Variants in ESCO1 observed in about 807,000 individuals in gnomAD.
ESCO1 encodes establishment of sister chromatid cohesion N-acetyltransferase 1.
A neutral mutation model predicts 83.5 loss-of-function variants in ESCO1; 33 were observed. The observed-to-expected ratio is 0.40, with a 90% CI of 0.30 to 0.53. The LOEUF is 0.53. ESCO1 is among the 20% of genes least tolerant of loss of function. The pLI, the probability that ESCO1 is intolerant of heterozygous loss-of-function variation, is 0.63. For synonymous variants in ESCO1, 332 were observed against 324.3 expected (o/e 1.02, Z -0.25); for missense variants, 855 against 968.0 (o/e 0.88, Z 1.55).
chr18:21,547,799 T>A (rs1342406743), intron 8 of ESCO1, among the ~76,000 whole-genome samples: 15 of 151,970 alleles, frequency 9.9e-5, no homozygotes, highest in Non-Finnish European at 2.2e-4. Flanking sequence ...AAAAGAAAAA[T>A]ATTCATAGAA....
intron 6 of ESCO1, among the ~76,000 whole-genome samples, chr18:21,564,534 G>A (rs990980285): frequency 2.0e-5 from 3 of 147,624 alleles, no homozygotes; most frequent in Non-Finnish European, 3.0e-5. Flanking sequence ...GGGACTACAG[G>A]TGCCAGCCAC....
At position 21,530,318 on chromosome 18, in the gene ESCO1, C is replaced by T. The variant is rs377708638; in HGVS notation, c.*25G>A. On this transcript the variant is annotated 3_prime_UTR_variant, in exon 12 of 12. Coordinates refer to ENST00000269214, the MANE Select transcript of ESCO1 (RefSeq NM_052911.3). ...ATCCATTCTCTTCAATAGATGTCTT[C>T]TAGTGGTGTAGGCAAGAATTTGTTT... 2.5e-5 allele frequency: 38 copies of T among 1,548,106 alleles called. No homozygotes were observed. The African/African-American group carries it at 4.2e-4, about 17-fold the overall frequency.
chr18:21,567,456 C>G (rs1022214310), intron 5 of ESCO1, among the ~76,000 whole-genome samples: 1 of 151,642 alleles, frequency 6.6e-6, no homozygotes, highest in South Asian at 2.1e-4. Flanking sequence ...TGAGCCACCA[C>G]GACCGGCCCA....
At chr18:21,540,336 T>C (rs1042443657) in intron 8 of ESCO1, among the ~76,000 whole-genome samples, 9 of 152,280 alleles carry the variant, frequency 5.9e-5, no homozygotes, top group Non-Finnish European at 1.3e-4. Flanking sequence ...AAGTCAGTAA[T>C]TCCCAGAAAC....
chr18:21,540,140 G>T, intron 8 of ESCO1, 131 bp from the exon 9 acceptor site: 1 of 760,714 alleles, frequency 1.3e-6, no homozygotes, highest in Non-Finnish European at 2.1e-6. Flanking sequence ...AAAAATATAT[G>T]CTCATTAATG....
At chr18:21,590,774 C>T (rs948583464) in intron 1 of ESCO1, among the ~76,000 whole-genome samples, 3 of 151,512 alleles carry the variant, frequency 2.0e-5, no homozygotes, top group Admixed American at 6.6e-5. Context: ...GTGAAGAAAC[C>T]ATCTCTACTA....
chr18:21,565,472 G>A (rs1011891103), intron 6 of ESCO1, among the ~76,000 whole-genome samples: 1 of 152,198 alleles, frequency 6.6e-6, no homozygotes, highest in African/African-American at 2.4e-5. Context: ...TGCGGGATAA[G>A]TTCTATAGCT....
In ESCO1 at chr18:21,584,636, C is replaced by G. The variant is rs2146223962; in HGVS notation, c.-824-196G>C. Among the ~76,000 whole-genome samples, 5 of 152,080 alleles carry G rather than the reference C, an allele frequency of 3.3e-5. No homozygotes were observed. In the South Asian group the frequency reaches 1.0e-3, roughly 32 times the overall value. On this transcript the variant is annotated intron_variant, in intron 1 of 11. Coordinates refer to ENST00000269214, the MANE Select transcript of ESCO1 (RefSeq NM_052911.3). ...AGGAGTTTGAGACCAGACTGGGCAACATGATGAAACTCTGTCTCTTCGAAA... is the reference window on the plus strand; with the variant it reads ...AGGAGTTTGAGACCAGACTGGGCAAGATGATGAAACTCTGTCTCTTCGAAA...
chr18:21,552,874 TAGG>T (rs2038062529), intron 8 of ESCO1, among the ~76,000 whole-genome samples: 2 of 152,222 alleles, frequency 1.3e-5, no homozygotes, highest in South Asian at 4.1e-4. Context: ...ATAAGTAACA[TAGG>T]AGAAAAACTA....
intron 8 of ESCO1, among the ~76,000 whole-genome samples, chr18:21,546,938 C>G (rs1218797862): frequency 6.6e-6 from 1 of 152,188 alleles, no homozygotes; most frequent in African/African-American, 2.4e-5. Flanking sequence ...TTATCTCTTG[C>G]AGCTTTTCCA....
intron 7 of ESCO1, among the ~76,000 whole-genome samples, chr18:21,562,127 G>A (rs1215319641): frequency 1.3e-5 from 2 of 152,018 alleles, no homozygotes; most frequent in African/African-American, 4.8e-5. Context: ...TGATCCACCT[G>A]CCTCGGCCTC....
At chr18:21,587,744 T>C (rs568941893) in intron 1 of ESCO1, among the ~76,000 whole-genome samples, 3 of 151,896 alleles carry the variant, frequency 2.0e-5, no homozygotes, top group Non-Finnish European at 4.4e-5. Context: ...CAAGACCAGT[T>C]TGGGCAACAC....
intron 5 of ESCO1, among the ~76,000 whole-genome samples, chr18:21,567,018 C>T (rs985858138): frequency 2.8e-4 from 43 of 152,218 alleles, no homozygotes; most frequent in African/African-American, 9.4e-4. Context: ...AATGATTATC[C>T]GAACTCAACA....
rs1414631216 is a variant in ESCO1 at position 21,574,536 on chromosome 18, G to C, written c.308C>G (p.Ser103Cys). ...YSQESTKKKL[S>C]QKKLVHENPK... ...GTTTTCATGTACTAATTTTTTCTGAGATAATTTCTTTTTTGTAGATTCTTG... is the reference window on the plus strand; with the variant it reads ...GTTTTCATGTACTAATTTTTTCTGACATAATTTCTTTTTTGTAGATTCTTG... Residue 103 changes from serine (S) to cysteine (C), a missense_variant, in exon 4 of 12, where the codon TCT becomes TGT. Coordinates refer to ENST00000269214, the MANE Select transcript of ESCO1 (RefSeq NM_052911.3). The C allele has an allele frequency of 6.2e-7, 1 of 1,613,654 alleles. No individual in the cohort carries two copies. The highest frequency in any genetic ancestry group is 8.5e-7 in the Non-Finnish European group (1 of 1,179,922).
At chr18:21,538,640 G>A (rs1309201348) in intron 9 of ESCO1, among the ~76,000 whole-genome samples, 2 of 152,152 alleles carry the variant, frequency 1.3e-5, no homozygotes, top group East Asian at 1.9e-4. Flanking sequence ...AATAACAGGC[G>A]CAAAGTATTT....
At chr18:21,578,948 C>T (rs556491103) in intron 2 of ESCO1, among the ~76,000 whole-genome samples, 2 of 152,126 alleles carry the variant, frequency 1.3e-5, no homozygotes, top group Non-Finnish European at 2.9e-5. Flanking sequence ...GCAACCTCCA[C>T]CTCCTGGGTT....
intron 1 of ESCO1, among the ~76,000 whole-genome samples, chr18:21,587,099 T>C (rs560256666): frequency 6.6e-6 from 1 of 152,112 alleles, no homozygotes; most frequent in Non-Finnish European, 1.5e-5. Context: ...ACTTGGTCAT[T>C]GTGTGTTATC....
intron 11 of ESCO1, among the ~76,000 whole-genome samples, chr18:21,531,112 A>AG (rs906356970): frequency 2.4e-4 from 37 of 152,208 alleles, no homozygotes; most frequent in African/African-American, 8.4e-4. Flanking sequence ...ACTGAAATTT[A>AG]GGGGGAAAAA....
chr18:21,574,625 T>C lies in ESCO1; in HGVS notation c.219A>G (p.Ala73=), dbSNP rs752343402. ...ATTTAGTAGCTTTATCATTAGATGC[T>C]GCCTTTGATGACCTTGTACTCATGC... is the stretch of plus-strand genomic sequence containing the variant. ...ETRMSTRSSK[A]ASNDKATKSI... The change falls in exon 4 of 12, where the codon GCA becomes GCG. Residue 73 remains alanine (A), a synonymous_variant. Coordinates refer to ENST00000269214, the MANE Select transcript of ESCO1 (RefSeq NM_052911.3). 2 of 1,614,040 alleles carry C rather than the reference T, an allele frequency of 1.2e-6. No individual in the cohort carries two copies. The highest frequency in any genetic ancestry group is 2.7e-5 in the African/African-American group (2 of 75,068).
Sources: gnomAD v4.1 joint callset for allele counts (sites outside exome capture counted in the v4.1 genomes callset) on GRCh38, gnomAD v4.1.1 for gene constraint, MANE v1.5 for transcripts, NCBI Gene and HGNC (gene_info 2026-07-23, HGNC 2026-07-21) for gene names.